Variants in MAST1 observed in about 807,000 individuals in gnomAD.
MAST1 encodes microtubule associated serine/threonine kinase 1.
In MAST1, 40 loss-of-function variants were observed where a neutral mutation model predicts 124.6. The ratio of observed to expected loss-of-function variants is 0.32; its 90% CI spans 0.25 to 0.42. MAST1 has a LOEUF of 0.42. MAST1 is among the 10% of genes least tolerant of loss of function. The pLI, the probability that MAST1 is intolerant of heterozygous loss-of-function variation, is 1.00. For missense variants in MAST1, 1,558 were observed against 2,181.9 expected (o/e 0.71, Z 5.70); for synonymous variants, 938 against 939.4 (o/e 1.00, Z 0.03).
chr19:12,842,823 G>A (rs1242234967), intron 3 of MAST1, among the ~76,000 whole-genome samples: 4 of 152,160 alleles, frequency 2.6e-5, no homozygotes, highest in South Asian at 2.1e-4. Context: ...CTGTGTGTCC[G>A]AGTGTGAGTA....
At chr19:12,871,958 G>A (rs1301500008) in intron 24 of MAST1, among the ~76,000 whole-genome samples, 1 of 150,710 alleles carries the variant, frequency 6.6e-6, no homozygotes, top group East Asian at 1.9e-4. Flanking sequence ...AAAAGTGGAA[G>A]GAGCCAAGAA....
In MAST1 at chr19:12,847,749, TC is replaced by T. The variant is rs562186823; in HGVS notation, c.564+66del. 6 of 1,593,408 alleles carry T rather than the reference TC, an allele frequency of 3.8e-6. No individual in the cohort carries two copies. Among genetic ancestry groups the T allele is most frequent in the Non-Finnish European group, 5.1e-6 (6 of 1,167,260 alleles). On this transcript the variant is annotated intron_variant, in intron 6 of 25. Transcript: ENST00000251472. The surrounding 1 kb of genome is among the most constrained non-coding windows in gnomAD (Gnocchi z 5.5). Reference sequence around the variant, plus strand: ...GCGGCCTGCACTCTCGCTCGCCTTATCCCCGCGCGCCCCCTGGCGGCCTCGG... The same window carrying T: ...GCGGCCTGCACTCTCGCTCGCCTTATCCCGCGCGCCCCCTGGCGGCCTCGG...
intron 22 of MAST1, 44 bp downstream of exon 22, chr19:12,869,339 G>C (rs765430684): frequency 9.1e-6 from 14 of 1,534,152 alleles, no homozygotes; most frequent in South Asian, 4.6e-5. Flanking sequence ...GTGGAGGGTG[G>C]TGGGGAAAAG....
chr19:12,867,814 G>T lies in MAST1; in HGVS notation c.2403G>T (p.Leu801=). 6.3e-7 allele frequency: 1 copy of T among 1,586,830 alleles called. No homozygotes were observed. Among genetic ancestry groups the T allele is most frequent in the South Asian group, 1.1e-5 (1 of 88,590 alleles). The stretch of plus-strand genomic sequence containing the variant: ...GCGCCCGCCGCCGTTTCTCGGCGCT[G>T]CTGGAGCCCAGCCGCTTCAGCGCCC... The part of the protein sequence containing the change: ...PLGARRRFSA[L]LEPSRFSAPQ... Residue 801 remains leucine (L), a synonymous_variant, in exon 20 of 26, where the codon CTG becomes CTT. Coordinates refer to ENST00000251472, the MANE Select transcript of MAST1 (RefSeq NM_014975.3).
Position 12,847,225 on chromosome 19 carries a change from C to A in MAST1, c.328-65C>A. The A allele has an allele frequency of 8.9e-7, 1 of 1,122,238 alleles. No homozygotes were observed. Among genetic ancestry groups the A allele is most frequent in the Non-Finnish European group, 1.3e-6 (1 of 764,120 alleles). 69.5% of individuals were successfully genotyped at this position (1,122,238 alleles called of 1,614,324 possible). A position where few individuals can be genotyped will look rare whatever the true frequency, so the allele number is the denominator to read the frequency against. On this transcript the variant is annotated intron_variant, in intron 4 of 25. Coordinates refer to ENST00000251472, the MANE Select transcript of MAST1 (RefSeq NM_014975.3). The surrounding 1 kb of genome is among the most constrained non-coding windows in gnomAD (Gnocchi z 5.5). ...ACCCCATCGGCTTTGGGAGTCCCAGCTCAGGGTCCTGAGCTGTTGGGGGGC... is the reference window on the plus strand; with the variant it reads ...ACCCCATCGGCTTTGGGAGTCCCAGATCAGGGTCCTGAGCTGTTGGGGGGC...
chr19:12,874,855 A>C lies in MAST1; in HGVS notation c.4698A>C (p.Ala1566=), dbSNP rs1970296894. 6.3e-7 allele frequency: 1 copy of C among 1,597,142 alleles called. No homozygotes were observed. Among genetic ancestry groups the C allele is most frequent in the Admixed American group, 1.7e-5 (1 of 58,678 alleles). Reference sequence around the variant, plus strand: ...CCAAAAAAGGAGTGTCCAGTCCCGCACCCCCGGGACCATAGCCAAGGGGGT... The same window carrying C: ...CCAAAAAAGGAGTGTCCAGTCCCGCCCCCCCGGGACCATAGCCAAGGGGGT... ...GLTKKGVSSP[A]PPGP is the part of the protein sequence containing the mutation. Residue 1566 remains alanine, a synonymous_variant, in exon 26 of 26, where the codon GCA becomes GCC. Transcript: ENST00000251472. The surrounding 1 kb of genome is among the most constrained non-coding windows in gnomAD (Gnocchi z 6.6).
Position 12,874,229 on chromosome 19 carries a change from AAGG to A in MAST1, c.4075_4077del (p.Glu1359del), listed in dbSNP as rs1970281626. ...TGCCTCCAGGCCACCAGTGTCGAGC[AAGG>A]AGAAGGAATCCCCGGGGGGCGCCGA... On this transcript the variant is annotated inframe_deletion, in exon 26 of 26. Transcript: ENST00000251472. The surrounding 1 kb of genome is among the most constrained non-coding windows in gnomAD (Gnocchi z 6.6). 3 of 1,551,496 alleles carry A rather than the reference AAGG, an allele frequency of 1.9e-6. No homozygotes were observed. Among genetic ancestry groups the A allele is most frequent in the Non-Finnish European group, 1.7e-6 (2 of 1,151,484 alleles).
intron 1 of MAST1, among the ~76,000 whole-genome samples, 167 bp from the exon 2 acceptor site, chr19:12,840,279 C>A (rs1969809722): frequency 6.6e-6 from 1 of 152,360 alleles, no homozygotes; most frequent in Non-Finnish European, 1.5e-5. Flanking sequence ...CGTACACAGT[C>A]CTGCCGAGGC....
Position 12,866,659 on chromosome 19 carries a change from C to T in MAST1, c.2036C>T (p.Ser679Leu). ...GCCCATACCCGCTCCCCAGCCCGCT[C>T]AGACAGGTATCACCACGTGAACTCC... ...EDDTSYFDTRSDRYHHVNSYD... is the reference protein window; with the variant it reads ...EDDTSYFDTRLDRYHHVNSYD... The change falls in exon 18 of 26, where the codon TCA (serine) becomes TTA (leucine). Residue 679 changes from serine to leucine, a missense_variant. This residue lies in a region of MAST1 where 145 missense variants were observed against 350.0 expected (regional missense o/e 0.41). Coordinates refer to ENST00000251472, the MANE Select transcript of MAST1 (RefSeq NM_014975.3). The surrounding 1 kb of genome is among the most constrained non-coding windows in gnomAD (Gnocchi z 5.2). 1 of 1,613,016 alleles carries T rather than the reference C, an allele frequency of 6.2e-7. No individual in the cohort carries two copies.
intron 2 of MAST1, 55 bp downstream of exon 2, chr19:12,840,589 C>A: frequency 7.5e-7 from 1 of 1,336,472 alleles, no homozygotes; most frequent in Non-Finnish European, 1.1e-6. Flanking sequence ...GTAGGCGGGG[C>A]CTCAGGCGAG....
chr19:12,840,475 T>C lies in MAST1; in HGVS notation c.113T>C (p.Ile38Thr). Residue 38 changes from isoleucine to threonine, a missense_variant, in exon 2 of 26, where the codon ATC (isoleucine) becomes ACC (threonine). Around this residue, in one of 10 missense-constraint regions of MAST1, gnomAD observed 42 missense variants for 54.6 expected, o/e 0.77. Transcript: ENST00000251472. The stretch of plus-strand genomic sequence containing the variant: ...CGCACCAGTAATCGGAAAAGCCTCA[T>C]CCTGACCAGCACTTCACCCACGCTA... ...SCRTSNRKSLILTSTSPTLPR... is the reference protein window; with the variant it reads ...SCRTSNRKSLTLTSTSPTLPR... 1 of 1,613,960 alleles carries C rather than the reference T, an allele frequency of 6.2e-7. No homozygotes were observed. The highest frequency in any genetic ancestry group is 2.2e-5 in the East Asian group (1 of 44,880).
Position 12,866,491 on chromosome 19 carries a change from C to G in MAST1, c.2030-162C>G, listed in dbSNP as rs1212664097. Among the ~76,000 whole-genome samples, 1 of 152,036 alleles carries G rather than the reference C, an allele frequency of 6.6e-6. No individual in the cohort carries two copies. Among genetic ancestry groups the G allele is most frequent in the African/African-American group, 2.4e-5 (1 of 41,384 alleles). On this transcript the variant is annotated intron_variant, in intron 17 of 25. Coordinates refer to ENST00000251472, the MANE Select transcript of MAST1 (RefSeq NM_014975.3). The surrounding 1 kb of genome is among the most constrained non-coding windows in gnomAD (Gnocchi z 5.2). ...GTGCCACTGAGAATGGGGCAAGGACCTTGCCTGGGAGCGGAGCCTAAATTA... is the reference window on the plus strand; with the variant it reads ...GTGCCACTGAGAATGGGGCAAGGACGTTGCCTGGGAGCGGAGCCTAAATTA...
In MAST1 at chr19:12,874,677, C is replaced by T. The variant is rs1034503171; in HGVS notation, c.4520C>T (p.Pro1507Leu). 11 of 1,547,522 alleles carry T rather than the reference C, an allele frequency of 7.1e-6. No homozygotes were observed. The East Asian group carries it at 9.1e-5, about 13-fold the overall frequency. Reference protein sequence around the residue: ...KPASPKLSPEPQTPSLAPAKC... With the variant: ...KPASPKLSPELQTPSLAPAKC... ...GCCTCCCCAAAGCTCTCCCCGGAGC[C>T]CCAGACACCCTCCCTAGCCCCAGCG... The change falls in exon 26 of 26, where the codon CCC becomes CTC. Residue 1507 changes from proline to leucine, a missense_variant. This residue lies in a region of MAST1 where 168 missense variants were observed against 154.3 expected (regional missense o/e 1.09). Coordinates refer to ENST00000251472, the MANE Select transcript of MAST1 (RefSeq NM_014975.3). The surrounding 1 kb of genome is among the most constrained non-coding windows in gnomAD (Gnocchi z 6.6).
Position 12,858,452 on chromosome 19 carries a change from C to A in MAST1, c.1157+11C>A. On this transcript the variant is annotated intron_variant, in intron 11 of 25. Coordinates refer to ENST00000251472, the MANE Select transcript of MAST1 (RefSeq NM_014975.3). ...CAACGGTGCCTACGGGTGAGCCACC[C>A]GGGGCTCTGGCGGGGGGAGGGTGGC... 6.2e-7 allele frequency: 1 copy of A among 1,613,194 alleles called. No individual in the cohort carries two copies. Among genetic ancestry groups the A allele is most frequent in the Non-Finnish European group, 8.5e-7 (1 of 1,179,362 alleles).
intron 4 of MAST1, among the ~76,000 whole-genome samples, chr19:12,844,931 G>A (rs1335445409): frequency 2.0e-5 from 3 of 152,080 alleles, no homozygotes; most frequent in Non-Finnish European, 4.4e-5. Flanking sequence ...TATAGATAAT[G>A]CACACTAATT....
Position 12,847,740 on chromosome 19 carries a change from C to T in MAST1, c.564+53C>T. On this transcript the variant is annotated intron_variant, in intron 6 of 25. Coordinates refer to ENST00000251472, the MANE Select transcript of MAST1 (RefSeq NM_014975.3). The surrounding 1 kb of genome is among the most constrained non-coding windows in gnomAD (Gnocchi z 5.5). ...GGTGACCAGGCGGCCTGCACTCTCG[C>T]TCGCCTTATCCCCGCGCGCCCCCTG... 1 of 1,598,762 alleles carries T rather than the reference C, an allele frequency of 6.3e-7. No homozygotes were observed. Among genetic ancestry groups the T allele is most frequent in the Non-Finnish European group, 8.5e-7 (1 of 1,170,044 alleles).
At chr19:12,862,952 C>A (rs1279664797) in intron 12 of MAST1, among the ~76,000 whole-genome samples, 1 of 151,722 alleles carries the variant, frequency 6.6e-6, no homozygotes, top group East Asian at 1.9e-4. Context: ...CAGGCGTGAG[C>A]CACTGTGCCC....
At chr19:12,864,579 G>A (rs1351805639) in intron 12 of MAST1, among the ~76,000 whole-genome samples, 5 of 152,066 alleles carry the variant, frequency 3.3e-5, no homozygotes, top group Non-Finnish European at 7.4e-5. Context: ...CTTTCTTTGA[G>A]TCTCCATCCC....
rs139843584 is a variant in MAST1, at chr19:12,856,800, A to G, written c.1078-1562A>G. 1.9e-4 allele frequency among the ~76,000 whole-genome samples: 29 copies of G among 152,322 alleles called. No homozygotes were observed. The South Asian group carries it at 2.1e-3, about 11-fold the overall frequency. On this transcript the variant is annotated intron_variant, in intron 10 of 25. Transcript: ENST00000251472. Reference sequence around the variant, plus strand: ...TTTAACGTATGGATTATTATTTCCAATCTCACAATGAGCAAGATAGTAGAT... The same window carrying G: ...TTTAACGTATGGATTATTATTTCCAGTCTCACAATGAGCAAGATAGTAGAT...
Sources: gnomAD v4.1 joint callset for allele counts (sites outside exome capture counted in the v4.1 genomes callset) on GRCh38, gnomAD v4.1.1 for gene constraint, gnomAD v4.1.1 regional missense constraint, Gnocchi (gnomAD v3.1) non-coding constraint, MANE v1.5 for transcripts, NCBI Gene and HGNC (gene_info 2026-07-23, HGNC 2026-07-21) for gene names.